Variants in ARHGAP17 observed in about 807,000 individuals in gnomAD.
ARHGAP17 encodes the protein Rho GTPase activating protein 17.
A neutral mutation model predicts 99.5 loss-of-function variants in ARHGAP17; 57 were observed. That is an observed-to-expected ratio of 0.57 (90% CI 0.46 to 0.71). The LOEUF is 0.71. ARHGAP17 is among the 30% of genes least tolerant of loss of function. The pLI, the probability that ARHGAP17 is intolerant of heterozygous loss-of-function variation, is 0.00. For missense variants in ARHGAP17, 1,000 were observed against 1,122.4 expected (o/e 0.89, Z 1.56); for synonymous variants, 417 against 429.6 (o/e 0.97, Z 0.36).
chr16:25,003,149 A>G lies in ARHGAP17; in HGVS notation c.53+12060T>C, dbSNP rs114179758. ...AGAAATGATACTTGATATTCAATGT[A>G]TAACAAAATTGTCTATTTGGGGCAA... is the stretch of plus-strand genomic sequence containing the variant. On this transcript the variant is annotated intron_variant, in intron 1 of 19. Transcript: ENST00000289968. Among the ~76,000 whole-genome samples, 895 of 151,820 alleles carry G rather than the reference A, an allele frequency of 5.9e-3. 9 individuals carry two copies. The highest frequency in any genetic ancestry group is 0.02 in the African/African-American group (838 of 41,482).
At chr16:24,920,493 C>A in intron 19 of ARHGAP17, 1 of 465,528 alleles carries the variant, frequency 2.1e-6, no homozygotes, top group Non-Finnish European at 3.9e-6. Context: ...TTGCTATGAG[C>A]CCGGAGCAGC....
chr16:24,920,286 G>C (rs544029378), intron 19 of ARHGAP17, 26 bp from the exon 20 acceptor site: 1 of 1,613,182 alleles, frequency 6.2e-7, no homozygotes, highest in Non-Finnish European at 8.5e-7. Context: ...AGGAGACATG[G>C]TATCAATGAG....
intron 12 of ARHGAP17, among the ~76,000 whole-genome samples, chr16:24,951,749 T>C (rs2051651559): frequency 6.6e-6 from 1 of 152,254 alleles, no homozygotes; most frequent in Non-Finnish European, 1.5e-5. Context: ...ATATAATACA[T>C]ACAACATACA....
intron 1 of ARHGAP17, among the ~76,000 whole-genome samples, chr16:24,996,228 G>T (rs17624671): frequency 0.067 from 10,178 of 152,126 alleles, 428 homozygotes; most frequent in Middle Eastern, 0.13. Context: ...AATAATTTCA[G>T]GAACCTACCA....
intron 1 of ARHGAP17, among the ~76,000 whole-genome samples, chr16:24,987,559 C>T (rs1248977468): frequency 6.6e-6 from 1 of 152,140 alleles, no homozygotes; most frequent in African/African-American, 2.4e-5. Flanking sequence ...CCTTTTCAAT[C>T]CTTTCAGCCA....
chr16:24,939,917 T>C (rs1235437802), intron 16 of ARHGAP17: 2 of 346,884 alleles, frequency 5.8e-6, no homozygotes, highest in South Asian at 2.4e-5. Context: ...GCTGTTTTTT[T>C]CCCCCTTTAG....
In ARHGAP17 at chr16:24,970,219, C is replaced by G. The variant is rs374375266; in HGVS notation, c.272+288G>C. On this transcript the variant is annotated intron_variant, in intron 4 of 19. Coordinates refer to ENST00000289968, the MANE Select transcript of ARHGAP17 (RefSeq NM_001006634.3). ...CCTGGAACACAGAAGGGACCACATT[C>G]TTTCTGTCCAAGATTAGGGGAATAG... Among the ~76,000 whole-genome samples the G allele has an allele frequency of 4.7e-4, 72 of 152,326 alleles. 1 individual carries two copies. In the South Asian group the frequency reaches 0.015, roughly 31 times the overall value.
intron 1 of ARHGAP17, among the ~76,000 whole-genome samples, chr16:24,986,328 T>C (rs946367675): frequency 1.3e-5 from 2 of 152,144 alleles, no homozygotes; most frequent in Admixed American, 6.5e-5. Flanking sequence ...AGTGGGATTG[T>C]GGGATTCAAA....
At chr16:24,934,607 C>A (rs2051084058) in intron 18 of ARHGAP17, among the ~76,000 whole-genome samples, 1 of 152,140 alleles carries the variant, frequency 6.6e-6, no homozygotes. Flanking sequence ...GTGTGTGTCA[C>A]CACACCCAGA....
chr16:24,976,726 T>C (rs2052529400), intron 3 of ARHGAP17, among the ~76,000 whole-genome samples: 1 of 152,076 alleles, frequency 6.6e-6, no homozygotes, highest in African/African-American at 2.4e-5. Context: ...CAACTTGCCA[T>C]CATGAGGATG....
At chr16:24,978,489 G>C (rs1835006686) in intron 2 of ARHGAP17, among the ~76,000 whole-genome samples, 1 of 152,208 alleles carries the variant, frequency 6.6e-6, no homozygotes, top group Admixed American at 6.5e-5. Context: ...AAAGGCAGAA[G>C]AACACAGGGC....
At chr16:24,954,773 G>A (rs577607273) in intron 9 of ARHGAP17, 43 bp from the exon 10 acceptor site, 33 of 1,605,748 alleles carry the variant, frequency 2.1e-5, no homozygotes, top group Middle Eastern at 1.7e-4. Context: ...ACAAACTCAC[G>A]GCATTACCAA....
At chr16:24,929,283 A>G (rs1198958244) in intron 19 of ARHGAP17, among the ~76,000 whole-genome samples, 1 of 151,842 alleles carries the variant, frequency 6.6e-6, no homozygotes, top group Non-Finnish European at 1.5e-5. Flanking sequence ...CTCTTGCCTC[A>G]GCCACTCAAA....
At chr16:24,975,431 T>G (rs2052486485) in intron 3 of ARHGAP17, among the ~76,000 whole-genome samples, 1 of 151,830 alleles carries the variant, frequency 6.6e-6, no homozygotes, top group African/African-American at 2.4e-5. Context: ...GTGAAAAGGG[T>G]AAGCAGAGCA....
intron 1 of ARHGAP17, among the ~76,000 whole-genome samples, chr16:24,983,514 A>G (rs2052765565): frequency 6.6e-6 from 1 of 152,150 alleles, no homozygotes; most frequent in Non-Finnish European, 1.5e-5. Context: ...TACATTGCCC[A>G]GGCTGGTCTC....
At chr16:24,991,518 G>C (rs1427201853) in intron 1 of ARHGAP17, among the ~76,000 whole-genome samples, 1 of 152,174 alleles carries the variant, frequency 6.6e-6, no homozygotes. Context: ...GAGTAGCGCA[G>C]GACGTTCAAT....
At chr16:24,996,233 C>G (rs2053188602) in intron 1 of ARHGAP17, among the ~76,000 whole-genome samples, 1 of 152,124 alleles carries the variant, frequency 6.6e-6, no homozygotes, top group Admixed American at 6.5e-5. Context: ...TTTCAGGAAC[C>G]TACCAGTGGA....
At chr16:24,934,305 C>T (rs555705075) in intron 18 of ARHGAP17, among the ~76,000 whole-genome samples, 4 of 151,256 alleles carry the variant, frequency 2.6e-5, no homozygotes, top group South Asian at 2.1e-4. Flanking sequence ...GGACCACAGG[C>T]GTGCAAGCAC....
intron 15 of ARHGAP17, among the ~76,000 whole-genome samples, chr16:24,942,576 G>C (rs973523483): frequency 1.3e-5 from 2 of 152,122 alleles, no homozygotes; most frequent in East Asian, 1.9e-4. Context: ...AGACCAGCCT[G>C]GCCAAGAACG....
Sources: allele counts gnomAD v4.1 joint callset (sites outside exome capture counted in the v4.1 genomes callset), GRCh38; gene constraint gnomAD v4.1.1; transcripts MANE v1.5; gene names NCBI Gene and HGNC (gene_info 2026-07-23, HGNC 2026-07-21).